BCAS3: variants seen among roughly 807,000 people sequenced by gnomAD.
BCAS3 encodes BCAS4/BCAS3 fusion.
BCAS3 carries 53 observed loss-of-function variants against 116.1 expected under a neutral mutation model. That is an observed-to-expected ratio of 0.46 (90% CI 0.37 to 0.57). The LOEUF (loss-of-function observed/expected upper bound fraction) is 0.57, where lower values mean the gene tolerates loss of function less well. Ranked by LOEUF, BCAS3 falls within the 20% of genes least tolerant of loss-of-function variation. The pLI, the probability that BCAS3 is intolerant of heterozygous loss-of-function variation, is 0.00. For missense variants in BCAS3, 917 were observed against 1,165.4 expected, an observed-to-expected ratio of 0.79 and a Z score of 3.10; for synonymous variants, 391 against 408.2, an observed-to-expected ratio of 0.96 and a Z score of 0.51.
intron 16 of BCAS3, among the ~76,000 whole-genome samples, chr17:61,030,807 T>C (rs919444456): frequency 2.6e-5 from 4 of 152,084 alleles, no homozygotes; most frequent in Admixed American, 6.6e-5. Context: ...ATTTTTTCTT[T>C]TATTTTTTGC....
chr17:60,692,521 C>T (rs887506179), intron 4 of BCAS3, among the ~76,000 whole-genome samples: 3 of 152,058 alleles, frequency 2.0e-5, no homozygotes, highest in Non-Finnish European at 4.4e-5. Context: ...GGATTACAGG[C>T]GTGAGCTACC....
intron 13 of BCAS3, among the ~76,000 whole-genome samples, chr17:60,932,635 G>C (rs1029877737): frequency 4.6e-5 from 7 of 151,262 alleles, no homozygotes; most frequent in African/African-American, 1.5e-4. Flanking sequence ...TCAGCTGCTT[G>C]GGAGACTGAG....
At chr17:60,847,214 A>G (rs542072292) in intron 7 of BCAS3, among the ~76,000 whole-genome samples, 4 of 152,184 alleles carry the variant, frequency 2.6e-5, no homozygotes, top group African/African-American at 9.6e-5. Context: ...GTACACTACA[A>G]TTTGTTTATC....
At chr17:60,905,364 T>G (rs74700189) in intron 11 of BCAS3, among the ~76,000 whole-genome samples, 10 of 152,322 alleles carry the variant, frequency 6.6e-5, no homozygotes, top group African/African-American at 2.2e-4. Context: ...AATTATATGC[T>G]TATCACAATA....
intron 22 of BCAS3, among the ~76,000 whole-genome samples, chr17:61,197,996 G>T (rs192132071): frequency 2.2e-4 from 33 of 152,262 alleles, no homozygotes; most frequent in Admixed American, 9.2e-4. Context: ...TATCTATATA[G>T]TAATGAATAT....
At chr17:60,980,049 T>A (rs540891485) in intron 14 of BCAS3, among the ~76,000 whole-genome samples, 1 of 152,262 alleles carries the variant, frequency 6.6e-6, no homozygotes, top group East Asian at 1.9e-4. Context: ...TTCTATTGAT[T>A]GGAATAGTTT....
Position 61,077,574 on chromosome 17 carries a change from C to T in BCAS3, c.2131-759C>T, listed in dbSNP as rs6504015. 0.15 allele frequency among the ~76,000 whole-genome samples: 22,238 copies of T among 151,994 alleles called. 5,071 individuals carry two copies. The highest frequency in any genetic ancestry group is 0.49 in the African/African-American group (20,264 of 41,460). On this transcript the variant is annotated intron_variant, in intron 20 of 23. Transcript: ENST00000407086. The surrounding 1 kb of genome is among the most constrained non-coding windows in gnomAD (Gnocchi z 4.3). ...AATATTGGCAACATTCCCTATCCCC[C>T]CCATTGAGCGTGAAATTCATAAAGC...
Position 61,343,140 on chromosome 17 carries a change from A to T in BCAS3, c.2426-25187A>T, listed in dbSNP as rs1270594337. Among the ~76,000 whole-genome samples the T allele has an allele frequency of 2.6e-5, 4 of 152,162 alleles. 1 individual carries two copies. The South Asian group carries it at 8.3e-4, about 32-fold the overall frequency. ...GCTCCTGGGCCACCGAGGAGGGTCA[A>T]TTCGTGGAGGGGTGGCACCAAATGC... is the stretch of plus-strand genomic sequence containing the variant. On this transcript the variant is annotated intron_variant, in intron 22 of 23. Coordinates refer to ENST00000407086, the MANE Select transcript of BCAS3 (RefSeq NM_017679.5). This position sits in a 1 kb window ranked among gnomAD's most constrained non-coding sequence, Gnocchi z 5.5.
At chr17:60,828,013 T>G (rs1219603476) in intron 7 of BCAS3, among the ~76,000 whole-genome samples, 1 of 152,190 alleles carries the variant, frequency 6.6e-6, no homozygotes, top group Admixed American at 6.5e-5. Context: ...GTGTAATCAT[T>G]TCAAAACAAT....
intron 5 of BCAS3, among the ~76,000 whole-genome samples, chr17:60,746,425 T>G (rs2042018714): frequency 6.6e-6 from 1 of 152,164 alleles, no homozygotes; most frequent in Non-Finnish European, 1.5e-5. Flanking sequence ...CCTTTTGTTC[T>G]TCTTTTAAAA....
chr17:61,312,877 A>ACTGAGTG, intron 22 of BCAS3, among the ~76,000 whole-genome samples: 1 of 152,200 alleles, frequency 6.6e-6, no homozygotes, highest in Non-Finnish European at 1.5e-5. Context: ...TTTCTCCCAC[A>ACTGAGTG]AGATGGCCTC....
chr17:61,042,955 A>G (rs948171651), intron 19 of BCAS3, among the ~76,000 whole-genome samples: 10 of 151,256 alleles, frequency 6.6e-5, no homozygotes, highest in Non-Finnish European at 1.5e-4. Flanking sequence ...TGCAGCAGGA[A>G]ATTCAGAGGA....
intron 22 of BCAS3, among the ~76,000 whole-genome samples, chr17:61,110,074 G>C (rs1349772451): frequency 1.3e-5 from 2 of 152,168 alleles, no homozygotes; most frequent in Admixed American, 6.5e-5. Flanking sequence ...TATGGTTTCA[G>C]GTCTTAGATT....
At chr17:61,232,218 A>G (rs998224180) in intron 22 of BCAS3, among the ~76,000 whole-genome samples, 1 of 151,564 alleles carries the variant, frequency 6.6e-6, no homozygotes, top group African/African-American at 2.4e-5. Flanking sequence ...AAAAAAAAAA[A>G]AAAGAAAGAG....
At chr17:61,090,339 C>G (rs965753711) in intron 22 of BCAS3, among the ~76,000 whole-genome samples, 7 of 152,092 alleles carry the variant, frequency 4.6e-5, no homozygotes, top group African/African-American at 7.2e-5. Flanking sequence ...ACCTTGGGTA[C>G]TGAAAGCTTG....
rs2143676099 is a variant in BCAS3, at chr17:61,388,808, C to A, written c.2594-3169C>A. The A allele has an allele frequency of 8.9e-7, 1 of 1,121,348 alleles. No homozygotes were observed. The highest frequency in any genetic ancestry group is 1.3e-6 in the Non-Finnish European group (1 of 788,524). The allele number at this position is 1,121,348 out of a possible 1,614,324, so 69.5% of individuals were successfully genotyped here. A position where few individuals can be genotyped will look rare whatever the true frequency, so the allele number is the denominator to read the frequency against. Reference sequence around the variant, plus strand: ...AGCAGCCCTCCTCCCCTCCACTTCCCACACACACCCCTGCCTGCAGGGGGA... The same window carrying A: ...AGCAGCCCTCCTCCCCTCCACTTCCAACACACACCCCTGCCTGCAGGGGGA... On this transcript the variant is annotated intron_variant, in intron 23 of 23. Transcript: ENST00000407086. This position sits in a 1 kb window ranked among gnomAD's most constrained non-coding sequence, Gnocchi z 6.5.
rs148551032 is a variant in BCAS3, at chr17:61,380,786, C to T, written c.2594-11191C>T. 1.5e-3 allele frequency among the ~76,000 whole-genome samples: 233 copies of T among 152,232 alleles called. 2 individuals are homozygous for T. The highest frequency in any genetic ancestry group is 5.2e-3 in the African/African-American group (214 of 41,534). On this transcript the variant is annotated intron_variant, in intron 23 of 23. Transcript: ENST00000407086. This position sits in a 1 kb window ranked among gnomAD's most constrained non-coding sequence, Gnocchi z 4.2. Reference sequence around the variant, plus strand: ...CACCCAACAAGAGTTTCTTTGAGAACGCCACTCCCTGCCCCCCACTTTGAA... The same window carrying T: ...CACCCAACAAGAGTTTCTTTGAGAATGCCACTCCCTGCCCCCCACTTTGAA...
At chr17:60,813,486 A>T (rs139313566) in intron 7 of BCAS3, among the ~76,000 whole-genome samples, 209 of 152,246 alleles carry the variant, frequency 1.4e-3, no homozygotes, top group Non-Finnish European at 2.5e-3. Context: ...TGAATTGTTT[A>T]AATTCGTTAT....
chr17:61,054,922 A>G (rs1458379530), intron 19 of BCAS3, among the ~76,000 whole-genome samples: 2 of 152,194 alleles, frequency 1.3e-5, no homozygotes, highest in Non-Finnish European at 2.9e-5. Context: ...TGATTCTGAT[A>G]GATTAAAGAA....
Sources: allele counts gnomAD v4.1 joint callset (sites outside exome capture counted in the v4.1 genomes callset), GRCh38; gene constraint gnomAD v4.1.1; non-coding constraint Gnocchi (gnomAD v3.1); transcripts MANE v1.5; gene names NCBI Gene and HGNC (gene_info 2026-07-23, HGNC 2026-07-21).